Variants in UNC5C observed in about 807,000 individuals in gnomAD.
UNC5C encodes the protein netrin receptor UNC5C.
Under a neutral mutation model 99.8 loss-of-function variants are expected in UNC5C, and 47 were observed. The ratio of observed to expected loss-of-function variants is 0.47; its 90% CI spans 0.37 to 0.60. The LOEUF is 0.60. UNC5C is among the 20% of genes least tolerant of loss of function. The pLI, the probability that UNC5C is intolerant of heterozygous loss-of-function variation, is 0.00. For missense variants in UNC5C, 1,062 were observed against 1,165.9 expected, an observed-to-expected ratio of 0.91 and a Z score of 1.30; for synonymous variants, 487 against 452.2, an observed-to-expected ratio of 1.08 and a Z score of -0.98.
chr4:95,203,242 ATAAAT>A (rs1737754302), intron 11 of UNC5C, among the ~76,000 whole-genome samples: 1 of 152,170 alleles, frequency 6.6e-6, no homozygotes, highest in Non-Finnish European at 1.5e-5. Context: ...AAAGAATTAG[ATAAAT>A]TAAGGAACTG....
rs183387584 is a variant in UNC5C at position 95,425,251 on chromosome 4, G to C, written c.125-89620C>G. 2.9e-3 allele frequency among the ~76,000 whole-genome samples: 441 copies of C among 152,310 alleles called. 8 individuals are homozygous for C. The highest frequency in any genetic ancestry group is 1.4e-3 in the Non-Finnish European group (98 of 68,024). On this transcript the variant is annotated intron_variant, in intron 1 of 15. Coordinates refer to ENST00000453304, the MANE Select transcript of UNC5C (RefSeq NM_003728.4). ...TTTCTACACAAATTCTTCTAATGAA[G>C]GAGACAGCCCATAGGCCATAAGACA...
At chr4:95,363,239 A>T (rs1744450798) in intron 1 of UNC5C, among the ~76,000 whole-genome samples, 1 of 152,212 alleles carries the variant, frequency 6.6e-6, no homozygotes, top group Non-Finnish European at 1.5e-5. Flanking sequence ...TACACAAACC[A>T]GACACAAATC....
At chr4:95,228,302 T>C (rs918923701) in intron 7 of UNC5C, among the ~76,000 whole-genome samples, 2 of 152,258 alleles carry the variant, frequency 1.3e-5, no homozygotes, top group Non-Finnish European at 2.9e-5. Context: ...AAAATGATCA[T>C]GGTTTTATTA....
At chr4:95,354,441 T>C (rs2149430967) in intron 1 of UNC5C, among the ~76,000 whole-genome samples, 1 of 146,522 alleles carries the variant, frequency 6.8e-6, no homozygotes, top group African/African-American at 2.6e-5. Flanking sequence ...TTCAATGACT[T>C]TTCTATCGTA....
rs2149382016 is a variant in UNC5C, at chr4:95,250,630, A to G, written c.632T>C (p.Val211Ala). Reference sequence around the variant, plus strand: ...AGTAATATAAAAATTCCGATCTTCAACGGGATCAATTATGTCTTCATTTTT... The same window carrying G: ...AGTAATATAAAAATTCCGATCTTCAGCGGGATCAATTATGTCTTCATTTTT... ...WLKNEDIIDP[V>A]EDRNFYITID... Residue 211 changes from valine (V) to alanine (A), a missense_variant, in exon 5 of 16, where the codon GTT becomes GCT. Around this residue, in one of 3 missense-constraint regions of UNC5C, gnomAD observed 249 missense variants for 295.1 expected, o/e 0.84. Transcript: ENST00000453304. The G allele has an allele frequency of 5.0e-6, 8 of 1,614,056 alleles. No homozygotes were observed. Among genetic ancestry groups the G allele is most frequent in the African/African-American group, 2.7e-5 (2 of 75,036 alleles).
intron 14 of UNC5C, among the ~76,000 whole-genome samples, chr4:95,179,487 C>T (rs369410662): frequency 6.6e-6 from 1 of 152,200 alleles, no homozygotes; most frequent in African/African-American, 2.4e-5. Context: ...TGGCTCACGC[C>T]TATAATCCCA....
Position 95,548,756 on chromosome 4 carries a change from G to T in UNC5C, c.102C>A (p.Ser34Arg). 1.9e-6 allele frequency: 3 copies of T among 1,612,766 alleles called. No homozygotes were observed. Among genetic ancestry groups the T allele is most frequent in the South Asian group, 1.1e-5 (1 of 91,016 alleles). ...TACCTTGGGCGGCGGAGCCAGTGCC[G>T]CTGGCGCTGAGCAGGGCCAGGGCAG... is the stretch of plus-strand genomic sequence containing the variant. ...VLPALALLSA[S>R]GTGSAAQDDD... Residue 34 changes from serine to arginine, a missense_variant, in exon 1 of 16, where the codon AGC (serine) becomes AGA (arginine). Coordinates refer to ENST00000453304, the MANE Select transcript of UNC5C (RefSeq NM_003728.4).
chr4:95,223,761 A>G (rs1022934167), intron 7 of UNC5C, among the ~76,000 whole-genome samples: 4 of 152,186 alleles, frequency 2.6e-5, no homozygotes, highest in Non-Finnish European at 5.9e-5. Context: ...AACTCAATAA[A>G]AGGACATCTG....
intron 1 of UNC5C, among the ~76,000 whole-genome samples, chr4:95,429,278 C>CT (rs1431128714): frequency 2.1e-4 from 6 of 28,662 alleles, no homozygotes; most frequent in Non-Finnish European, 3.0e-4. Flanking sequence ...CTTAGTGATT[C>CT]TTAAAAAAAA....
At chr4:95,191,532 T>C (rs952637805) in intron 12 of UNC5C, among the ~76,000 whole-genome samples, 8 of 151,890 alleles carry the variant, frequency 5.3e-5, no homozygotes, top group Non-Finnish European at 1.0e-4. Context: ...CTACACCCTC[T>C]GCTCACCCTC....
At chr4:95,246,994 T>C (rs904062038) in intron 5 of UNC5C, among the ~76,000 whole-genome samples, 1 of 151,826 alleles carries the variant, frequency 6.6e-6, no homozygotes. Flanking sequence ...GGAGCCAAGA[T>C]TGCGCCACTG....
In UNC5C at chr4:95,166,148, T is replaced by C. The variant is rs1234799138; in HGVS notation, c.*3086A>G. The C allele has an allele frequency of 1.3e-5, 2 of 152,190 alleles. No individual in the cohort carries two copies. Among genetic ancestry groups the C allele is most frequent in the African/African-American group, 4.8e-5 (2 of 41,438 alleles). 9.4% of individuals were successfully genotyped at this position (152,190 alleles called of 1,614,324 possible). Reference sequence around the variant, plus strand: ...GGCAGCATGCACAAATGATAGTTTTTTCTATCCAAATGAAACCAGCCAAAC... The same window carrying C: ...GGCAGCATGCACAAATGATAGTTTTCTCTATCCAAATGAAACCAGCCAAAC... On this transcript the variant is annotated 3_prime_UTR_variant, in exon 16 of 16. Transcript: ENST00000453304.
intron 1 of UNC5C, among the ~76,000 whole-genome samples, chr4:95,474,083 T>G (rs2149475384): frequency 6.6e-6 from 1 of 152,260 alleles, no homozygotes; most frequent in Admixed American, 6.5e-5. Context: ...CCTTCAATGA[T>G]TCTATACTTG....
intron 1 of UNC5C, among the ~76,000 whole-genome samples, chr4:95,458,826 T>C (rs1186655838): frequency 6.6e-6 from 1 of 152,108 alleles, no homozygotes; most frequent in Non-Finnish European, 1.5e-5. Context: ...TATTATTTAA[T>C]AGAATATTGA....
At chr4:95,346,033 G>T (rs184834523) in intron 1 of UNC5C, among the ~76,000 whole-genome samples, 1 of 150,870 alleles carries the variant, frequency 6.6e-6, no homozygotes, top group Admixed American at 6.6e-5. Context: ...TTGAAATGAA[G>T]AAAACAATAA....
intron 1 of UNC5C, among the ~76,000 whole-genome samples, chr4:95,515,387 G>A (rs1378915571): frequency 2.0e-5 from 3 of 152,148 alleles, no homozygotes; most frequent in African/African-American, 4.8e-5. Context: ...ACACTTAGTA[G>A]GTAATACTGA....
At chr4:95,189,244 G>T (rs1196673064) in intron 12 of UNC5C, among the ~76,000 whole-genome samples, 1 of 152,182 alleles carries the variant, frequency 6.6e-6, no homozygotes. Context: ...TTTTGCTTCT[G>T]TGAGAAGGGA....
intron 1 of UNC5C, among the ~76,000 whole-genome samples, chr4:95,509,737 T>G (rs771274405): frequency 2.2e-4 from 34 of 151,884 alleles, no homozygotes; most frequent in Non-Finnish European, 2.8e-4. Flanking sequence ...ATTATTATAT[T>G]TGATGTTAGA....
chr4:95,232,062 C>T (rs1346439692), intron 7 of UNC5C, among the ~76,000 whole-genome samples: 1 of 152,070 alleles, frequency 6.6e-6, no homozygotes, highest in Non-Finnish European at 1.5e-5. Context: ...AGATAATTAA[C>T]ATCCCAGGAT....
Sources: allele counts gnomAD v4.1 joint callset (sites outside exome capture counted in the v4.1 genomes callset), GRCh38; gene constraint gnomAD v4.1.1; regional missense constraint gnomAD v4.1.1; transcripts MANE v1.5; gene names NCBI Gene and HGNC (gene_info 2026-07-23, HGNC 2026-07-21).